RIN2: variants seen among roughly 807,000 people sequenced by gnomAD.
RIN2 encodes RAB5 interacting protein 2.
In RIN2, 36 loss-of-function variants were observed where a neutral mutation model predicts 78.0. The ratio of observed to expected loss-of-function variants is 0.46; its 90% CI spans 0.35 to 0.61. The LOEUF (loss-of-function observed/expected upper bound fraction) is 0.61, where lower values mean the gene tolerates loss of function less well. RIN2 is among the 20% of genes least tolerant of loss of function. The pLI, the probability that RIN2 is intolerant of heterozygous loss-of-function variation, is 0.00. For missense variants in RIN2, 1,087 were observed against 1,159.7 expected (o/e 0.94, Z 0.91); for synonymous variants, 466 against 466.8 (o/e 1.00, Z 0.02).
At chr20:19,819,434 T>G (rs896516758) in intron 2 of RIN2, among the ~76,000 whole-genome samples, 1 of 152,226 alleles carries the variant, frequency 6.6e-6, no homozygotes, top group African/African-American at 2.4e-5. Flanking sequence ...ACAGTGGAGA[T>G]TAGGGCTTTA....
At chr20:19,812,609 G>A (rs73904804) in intron 2 of RIN2, among the ~76,000 whole-genome samples, 14,258 of 152,056 alleles carry the variant, frequency 0.094, 1,946 homozygotes, top group African/African-American at 0.3. Flanking sequence ...ATTATTTTCT[G>A]TAAGTTCAAA....
intron 2 of RIN2, among the ~76,000 whole-genome samples, chr20:19,871,143 A>C (rs1192139594): frequency 6.6e-6 from 1 of 152,212 alleles, no homozygotes; most frequent in African/African-American, 2.4e-5. Flanking sequence ...GACAGGAGGG[A>C]TATCTTAAAA....
chr20:19,790,395 T>A (rs1240045640), intron 1 of RIN2, among the ~76,000 whole-genome samples: 1 of 152,196 alleles, frequency 6.6e-6, no homozygotes, highest in Non-Finnish European at 1.5e-5. Flanking sequence ...TTTGTGTATG[T>A]GGGTTTAGGG....
intron 2 of RIN2, among the ~76,000 whole-genome samples, chr20:19,813,435 A>G (rs1467705196): frequency 6.6e-6 from 1 of 152,258 alleles, no homozygotes; most frequent in Non-Finnish European, 1.5e-5. Context: ...AATACGTACC[A>G]GATACTATGT....
chr20:19,797,859 CTT>C (rs750371451), intron 1 of RIN2, among the ~76,000 whole-genome samples: 8,228 of 127,790 alleles, frequency 0.064, 570 homozygotes, highest in African/African-American at 0.21. Context: ...TCTACTTAAT[CTT>C]TTTTTTTTTT....
chr20:19,866,878 G>A (rs574000139), intron 2 of RIN2, among the ~76,000 whole-genome samples: 5 of 152,090 alleles, frequency 3.3e-5, no homozygotes, highest in Admixed American at 6.6e-5. Context: ...TCCCGCCTTG[G>A]CCTCCCAAAG....
intron 12 of RIN2, among the ~76,000 whole-genome samples, chr20:19,997,803 G>T (rs146531580): frequency 1.3e-3 from 191 of 152,168 alleles, no homozygotes; most frequent in African/African-American, 4.4e-3. Flanking sequence ...TTCCTGATTT[G>T]CTCATTGTCT....
In RIN2 at chr20:19,975,004, A is replaced by G. The variant is rs1385263716; in HGVS notation, c.979A>G (p.Arg327Gly). 2 of 1,360,916 alleles carry G rather than the reference A, an allele frequency of 1.5e-6. No homozygotes were observed. The highest frequency in any genetic ancestry group is 3.2e-5 in the African/African-American group (2 of 62,524). 84.3% of individuals were successfully genotyped at this position (1,360,916 alleles called of 1,614,324 possible). The change falls in exon 9 of 13, where the codon AGG becomes GGG. Residue 327 changes from arginine (R) to glycine (G), a missense_variant. Coordinates refer to ENST00000255006, the MANE Select transcript of RIN2 (RefSeq NM_018993.4). This position sits in a 1 kb window ranked among gnomAD's most constrained non-coding sequence, Gnocchi z 4.9. The stretch of plus-strand genomic sequence containing the variant: ...TCTCCACACAAGCCCTCGGCTGGCC[A>G]GGACTGAAACCCAGACGAGCATGCC... ...NSLHTSPRLA[R>G]TETQTSMPET...
At chr20:19,939,706 G>C (rs975293426) in intron 4 of RIN2, among the ~76,000 whole-genome samples, 1 of 152,092 alleles carries the variant, frequency 6.6e-6, no homozygotes, top group African/African-American at 2.4e-5. Context: ...TGTACTTGCG[G>C]TTCCTTCTGT....
At position 20,001,100 on chromosome 20, in the gene RIN2, C is replaced by T. The variant is rs1054853123; in HGVS notation, c.*164C>T. 55 of 606,836 alleles carry T rather than the reference C, an allele frequency of 9.1e-5. No individual in the cohort carries two copies. The highest frequency in any genetic ancestry group is 1.5e-4 in the Non-Finnish European group (51 of 349,312). The allele number at this position is 606,836 out of a possible 1,614,324, so 37.6% of individuals were successfully genotyped here. On this transcript the variant is annotated 3_prime_UTR_variant, in exon 13 of 13. Transcript: ENST00000255006. ...ACTCGGCCAAGGGCAACTTTAGCCACGCAAGGTAGCTGAGGTTTGTGAAAC... is the reference window on the plus strand; with the variant it reads ...ACTCGGCCAAGGGCAACTTTAGCCATGCAAGGTAGCTGAGGTTTGTGAAAC...
intron 2 of RIN2, among the ~76,000 whole-genome samples, chr20:19,805,661 C>T (rs1231349920): frequency 3.3e-5 from 5 of 152,014 alleles, no homozygotes; most frequent in African/African-American, 1.2e-4. Context: ...CTTAGCCTCC[C>T]AAAGTGCTGG....
chr20:19,951,104 G>A (rs1379326177), intron 4 of RIN2, among the ~76,000 whole-genome samples: 1 of 151,840 alleles, frequency 6.6e-6, no homozygotes, highest in Non-Finnish European at 1.5e-5. Flanking sequence ...ATGTTGCCCG[G>A]GCTGGCCTCA....
At chr20:19,991,665 A>C (rs2042801369) in intron 10 of RIN2, among the ~76,000 whole-genome samples, 1 of 152,254 alleles carries the variant, frequency 6.6e-6, no homozygotes, top group Non-Finnish European at 1.5e-5. Context: ...TTCAACATGT[A>C]CTGAATTGGC....
At chr20:19,790,206 A>G (rs923048577) in intron 1 of RIN2, among the ~76,000 whole-genome samples, 4 of 152,158 alleles carry the variant, frequency 2.6e-5, no homozygotes, top group African/African-American at 7.2e-5. Context: ...CTCAATCTGG[A>G]TCTCCCTAGA....
At chr20:19,872,485 A>G (rs2037719075) in intron 2 of RIN2, among the ~76,000 whole-genome samples, 1 of 152,148 alleles carries the variant, frequency 6.6e-6, no homozygotes, top group South Asian at 2.1e-4. Context: ...TCCTCCTACC[A>G]TACACTCCTA....
intron 1 of RIN2, among the ~76,000 whole-genome samples, chr20:19,781,313 G>A (rs2034496894): frequency 6.6e-6 from 1 of 152,176 alleles, no homozygotes; most frequent in South Asian, 2.1e-4. Flanking sequence ...TAAGGAGTGT[G>A]TAGAATTCGC....
At chr20:19,870,524 G>A (rs1363361395) in intron 2 of RIN2, among the ~76,000 whole-genome samples, 1 of 152,164 alleles carries the variant, frequency 6.6e-6, no homozygotes, top group Non-Finnish European at 1.5e-5. Flanking sequence ...GTGCACGTCT[G>A]TAATCCTAGC....
At chr20:19,814,705 A>G (rs2035711566) in intron 2 of RIN2, among the ~76,000 whole-genome samples, 1 of 151,754 alleles carries the variant, frequency 6.6e-6, no homozygotes, top group South Asian at 2.1e-4. Context: ...GCATCCTCCC[A>G]CCTTAGGCTC....
chr20:19,885,089 G>C (rs763447023), intron 2 of RIN2, among the ~76,000 whole-genome samples: 1 of 152,210 alleles, frequency 6.6e-6, no homozygotes, highest in Non-Finnish European at 1.5e-5. Flanking sequence ...CATGCAGCAC[G>C]GAGATGAGAA....
Sources: gnomAD v4.1 joint callset for allele counts (sites outside exome capture counted in the v4.1 genomes callset) on GRCh38, gnomAD v4.1.1 for gene constraint, Gnocchi (gnomAD v3.1) non-coding constraint, MANE v1.5 for transcripts, NCBI Gene and HGNC (gene_info 2026-07-23, HGNC 2026-07-21) for gene names.